Variants in PLA2G4D observed in about 807,000 individuals in gnomAD.
PLA2G4D encodes phospholipase A2 group IVD.
PLA2G4D carries 80 observed loss-of-function variants against 94.4 expected under a neutral mutation model. The observed-to-expected ratio is 0.85, with a 90% CI of 0.71 to 1.02. PLA2G4D has a LOEUF of 1.02. PLA2G4D is among the 50% of genes least tolerant of loss of function. The probability of loss-of-function intolerance (pLI) is 0.00; values close to 1 mark genes in which losing one functional copy is unlikely to be tolerated. For missense variants in PLA2G4D, 1,050 were observed against 1,034.7 expected, an observed-to-expected ratio of 1.01 and a Z score of -0.20; for synonymous variants, 438 against 440.9, an observed-to-expected ratio of 0.99 and a Z score of 0.08.
chr15:42,088,540 C>T (rs1471384369), intron 1 of PLA2G4D, among the ~76,000 whole-genome samples: 1 of 152,214 alleles, frequency 6.6e-6, no homozygotes, highest in Non-Finnish European at 1.5e-5. Flanking sequence ...CCTGGAGTTT[C>T]TGTTCTTCCT....
At position 42,094,427 on chromosome 15, in the gene PLA2G4D, G is replaced by C; in HGVS notation, c.33C>G (p.Gly11=). 1 of 1,614,066 alleles carries C rather than the reference G, an allele frequency of 6.2e-7. No individual in the cohort carries two copies. The highest frequency in any genetic ancestry group is 1.3e-5 in the African/African-American group (1 of 75,026). The change falls in exon 1 of 20, where the codon GGC becomes GGG. Residue 11 remains glycine (G), a synonymous_variant. Transcript: ENST00000290472. ...CAGACACTGTTACCTGGTAAGGGTGGCCAGGTGGTCCCCCAGGTGACAGGC... is the reference window on the plus strand; with the variant it reads ...CAGACACTGTTACCTGGTAAGGGTGCCCAGGTGGTCCCCCAGGTGACAGGC... MESLSPGGPP[G]HPYQGEASTC...
chr15:42,093,961 C>T (rs1890292787), intron 1 of PLA2G4D, among the ~76,000 whole-genome samples: 1 of 152,142 alleles, frequency 6.6e-6, no homozygotes, highest in South Asian at 2.1e-4. Flanking sequence ...CTGGATGCAG[C>T]CCCACAGCTC....
At chr15:42,070,679 G>C (rs913644504) in intron 18 of PLA2G4D, 38 bp downstream of exon 18, 12 of 1,540,816 alleles carry the variant, frequency 7.8e-6, no homozygotes, top group Non-Finnish European at 1.1e-5. Context: ...AGCTTGGCCT[G>C]GCTGGGCAGA....
intron 11 of PLA2G4D, 138 bp downstream of exon 11, chr15:42,081,341 A>G (rs1890033795): frequency 1.4e-6 from 2 of 1,450,796 alleles, no homozygotes; most frequent in African/African-American, 2.8e-5. Flanking sequence ...TAGAACCACA[A>G]AGCCCACTCA....
At chr15:42,085,711 C>T (rs1235094663) in intron 4 of PLA2G4D, among the ~76,000 whole-genome samples, 180 bp from the exon 5 acceptor site, 1 of 152,256 alleles carries the variant, frequency 6.6e-6, no homozygotes, top group Non-Finnish European at 1.5e-5. Flanking sequence ...GCTACCTGCC[C>T]ACATTGCCCA....
rs753178231 is a variant in PLA2G4D at position 42,070,098 on chromosome 15, G to T, written c.2044-3C>A. On this transcript the variant is annotated splice_polypyrimidine_tract_variant and splice_region_variant and intron_variant, in intron 18 of 19. Coordinates refer to ENST00000290472, the MANE Select transcript of PLA2G4D (RefSeq NM_178034.4). Reference sequence around the variant, plus strand: ...TACAGCTCCGTCTGCTGCAGTGCCTGGTGGGGAGAAGGTGGCCCGGAGAGA... The same window carrying T: ...TACAGCTCCGTCTGCTGCAGTGCCTTGTGGGGAGAAGGTGGCCCGGAGAGA... The T allele has an allele frequency of 2.5e-5, 37 of 1,502,936 alleles. No homozygotes were observed. The highest frequency in any genetic ancestry group is 4.6e-5 in the Admixed American group (2 of 43,204). The allele number at this position is 1,502,936 out of a possible 1,614,324, so 93.1% of individuals were successfully genotyped here. A position where few individuals can be genotyped will look rare whatever the true frequency, so the allele number is the denominator to read the frequency against.
chr15:42,070,467 C>T (rs1166676053), intron 18 of PLA2G4D: 5 of 550,374 alleles, frequency 9.1e-6, no homozygotes, highest in African/African-American at 5.7e-5. Context: ...CTCTCAGCTC[C>T]GTCCAGCTGT....
intron 7 of PLA2G4D, 69 bp from the exon 8 acceptor site, chr15:42,083,403 A>G (rs1890080656): frequency 3.2e-6 from 5 of 1,547,426 alleles, no homozygotes; most frequent in South Asian, 2.4e-5. Flanking sequence ...CTGGGACAGC[A>G]GCACCACCAC....
At chr15:42,079,907 C>T in intron 12 of PLA2G4D, 148 bp from the exon 13 acceptor site, 5 of 671,542 alleles carry the variant, frequency 7.4e-6, no homozygotes. Context: ...AGGGCTTTCT[C>T]TCCTTCTAGA....
In PLA2G4D at chr15:42,068,764, GC is replaced by G. The variant is rs1566858858; in HGVS notation, c.2407del (p.Ala803ArgfsTer2). ...QGAILQALRT[A>X]LKHRTLEARP... The stretch of plus-strand genomic sequence containing the variant: ...CGCCTCTAGAGTCCGGTGCTTCAGC[GC>G]GGTCCTCAGGGCCTGCAGGATGGCA... On this transcript the variant is annotated frameshift_variant, in exon 20 of 20. Transcript: ENST00000290472. LOFTEE classifies it low-confidence loss of function (END_TRUNC). 1.9e-6 allele frequency: 3 copies of G among 1,612,706 alleles called. No homozygotes were observed. In the South Asian group the frequency reaches 3.3e-5, roughly 18 times the overall value.
Position 42,086,194 on chromosome 15 carries a change from T to TCACCC in PLA2G4D, c.387+18_387+19insGGGTG. ...GGAAGAAGTGGGGCCCACGGGGACT[T>TCACCC]CCCCACCCACCCACCCACCTGGGGA... On this transcript the variant is annotated intron_variant, in intron 4 of 19. Coordinates refer to ENST00000290472, the MANE Select transcript of PLA2G4D (RefSeq NM_178034.4). 6.6e-6 allele frequency: 9 copies of TCACCC among 1,370,444 alleles called. No individual in the cohort carries two copies. Among genetic ancestry groups the TCACCC allele is most frequent in the South Asian group, 3.0e-5 (2 of 66,866 alleles). The allele number at this position is 1,370,444 out of a possible 1,614,324, so 84.9% of individuals were successfully genotyped here.
chr15:42,077,389 T>G (rs976755573), intron 13 of PLA2G4D, among the ~76,000 whole-genome samples: 5 of 152,178 alleles, frequency 3.3e-5, no homozygotes, highest in African/African-American at 9.7e-5. Flanking sequence ...TCACCATTGA[T>G]CAAGTGGAAT....
Position 42,081,784 on chromosome 15 carries a change from G to C in PLA2G4D, c.821+13C>G, listed in dbSNP as rs1890043663. 6.2e-7 allele frequency: 1 copy of C among 1,614,168 alleles called. No homozygotes were observed. Among genetic ancestry groups the C allele is most frequent in the Admixed American group, 1.7e-5 (1 of 60,024 alleles). ...CGCCTCTCACTGTCCCCACAGATGT[G>C]AATGTCCCTTACCAGCCCTCTGCCT... is the stretch of plus-strand genomic sequence containing the variant. On this transcript the variant is annotated intron_variant, in intron 10 of 19. Transcript: ENST00000290472.
intron 13 of PLA2G4D, among the ~76,000 whole-genome samples, chr15:42,078,009 A>G (rs968160693): frequency 6.6e-6 from 1 of 152,262 alleles, no homozygotes; most frequent in Middle Eastern, 3.2e-3. Context: ...CCTGGAAGTT[A>G]CGACCTTTTT....
chr15:42,083,363 A>C (rs372722505), intron 7 of PLA2G4D, 29 bp from the exon 8 acceptor site: 1 of 1,598,284 alleles, frequency 6.3e-7, no homozygotes, highest in Non-Finnish European at 8.5e-7. Context: ...GGTTAGCATG[A>C]GAACAAGAGC....
At chr15:42,078,382 A>G (rs1889968684) in intron 13 of PLA2G4D, among the ~76,000 whole-genome samples, 1 of 152,238 alleles carries the variant, frequency 6.6e-6, no homozygotes, top group Non-Finnish European at 1.5e-5. Context: ...TGTATCTGTA[A>G]CATTTCATTT....
intron 3 of PLA2G4D, 53 bp downstream of exon 3, chr15:42,087,247 C>T (rs1890166948): frequency 6.2e-7 from 1 of 1,609,016 alleles, no homozygotes; most frequent in Non-Finnish European, 8.5e-7. Flanking sequence ...GGAACCCTTG[C>T]ATGGGGGTCC....
chr15:42,085,297 G>A (rs1472146434), intron 5 of PLA2G4D, among the ~76,000 whole-genome samples, 159 bp from the exon 6 acceptor site: 2 of 152,146 alleles, frequency 1.3e-5, no homozygotes, highest in South Asian at 2.1e-4. Flanking sequence ...GGAGGGGAGA[G>A]AGCAGAGAGA....
rs1333911196 is a variant in PLA2G4D, at chr15:42,079,718, C to T, written c.1136G>A (p.Arg379Lys). Residue 379 changes from arginine (R) to lysine (K), a missense_variant, in exon 13 of 20, where the codon AGG becomes AAG. Coordinates refer to ENST00000290472, the MANE Select transcript of PLA2G4D (RefSeq NM_178034.4). ...GTATCTGATAGGTCCCTCCAGGTCC[C>T]TCTGCGACCACTCAGGGTCCCCGTA... ...HLYGDPEWSQ[R>K]DLEGPIRYAR... 1 of 1,608,238 alleles carries T rather than the reference C, an allele frequency of 6.2e-7. No homozygotes were observed. Among genetic ancestry groups the T allele is most frequent in the Non-Finnish European group, 8.5e-7 (1 of 1,177,960 alleles).
Sources: allele counts gnomAD v4.1 joint callset (sites outside exome capture counted in the v4.1 genomes callset), GRCh38; gene constraint gnomAD v4.1.1; transcripts MANE v1.5; gene names NCBI Gene and HGNC (gene_info 2026-07-23, HGNC 2026-07-21).